Variants in SRBD1 observed in about 807,000 individuals in gnomAD.
SRBD1 encodes S1 RNA binding domain 1.
Under a neutral mutation model 115.3 loss-of-function variants are expected in SRBD1, and 88 were observed. The ratio of observed to expected loss-of-function variants is 0.76; its 90% confidence interval spans 0.64 to 0.91. The LOEUF (loss-of-function observed/expected upper bound fraction) is 0.91, where lower values mean the gene tolerates loss of function less well. Ranked by LOEUF, SRBD1 falls within the 40% of genes least tolerant of loss-of-function variation. The pLI is 0.00. For synonymous variants in SRBD1, 509 were observed against 407.7 expected (o/e 1.25, Z -2.99); for missense variants, 1,385 against 1,177.4 (o/e 1.18, Z -2.58).
intron 14 of SRBD1, among the ~76,000 whole-genome samples, chr2:45,532,328 A>T (rs1671638227): frequency 6.6e-6 from 1 of 151,798 alleles, no homozygotes; most frequent in Non-Finnish European, 1.5e-5. Context: ...CAACCAATTT[A>T]CTTTAAAAGG....
rs147005902 is a variant in SRBD1 at position 45,553,637 on chromosome 2, G to C, written c.1503C>G (p.Leu501=). 6.3e-7 allele frequency: 1 copy of C among 1,593,204 alleles called. No individual in the cohort carries two copies. The highest frequency in any genetic ancestry group is 8.5e-7 in the Non-Finnish European group (1 of 1,171,064). Residue 501 remains leucine (L), a synonymous_variant, in exon 11 of 21, where the codon CTC becomes CTG. Coordinates refer to ENST00000263736, the MANE Select transcript of SRBD1 (RefSeq NM_018079.5). ...AAGATATATACCTGAATTCTCTACAGAGAAGAGGATAAATAAGGCGTTTAA... is the reference window on the plus strand; with the variant it reads ...AAGATATATACCTGAATTCTCTACACAGAAGAGGATAAATAAGGCGTTTAA... ...DSFKRLIYPL[L]CREFRAKLTS... is the part of the protein sequence containing the mutation.
intron 9 of SRBD1, among the ~76,000 whole-genome samples, chr2:45,569,718 TA>T (rs1672951742): frequency 6.6e-6 from 1 of 152,052 alleles, no homozygotes. Flanking sequence ...AGAAAATAAA[TA>T]AAACACAACA....
intron 10 of SRBD1, 28 bp from the exon 11 acceptor site, chr2:45,553,758 A>G (rs746638143): frequency 9.0e-6 from 13 of 1,443,102 alleles, no homozygotes; most frequent in Non-Finnish European, 1.2e-5. Flanking sequence ...CCACACTAAA[A>G]CTGATGCAAC....
At chr2:45,605,096 T>G (rs1003360035) in intron 2 of SRBD1, among the ~76,000 whole-genome samples, 2 of 152,224 alleles carry the variant, frequency 1.3e-5, no homozygotes, top group African/African-American at 4.8e-5. Context: ...TATATAAAAC[T>G]CTATGCTCTC....
intron 14 of SRBD1, among the ~76,000 whole-genome samples, chr2:45,490,829 T>C (rs1325131466): frequency 6.6e-6 from 1 of 152,168 alleles, no homozygotes; most frequent in Non-Finnish European, 1.5e-5. Flanking sequence ...ACAAAACAGA[T>C]GTGACACATT....
chr2:45,437,682 C>T (rs1162178413), intron 16 of SRBD1, among the ~76,000 whole-genome samples: 7 of 152,142 alleles, frequency 4.6e-5, no homozygotes, highest in South Asian at 4.1e-4. Context: ...GAACCAAGAT[C>T]GTGCCACTGC....
chr2:45,513,216 G>C (rs1036075669), intron 14 of SRBD1, among the ~76,000 whole-genome samples: 1 of 152,128 alleles, frequency 6.6e-6, no homozygotes, highest in Non-Finnish European at 1.5e-5. Context: ...GAGCTGGACA[G>C]ATCTTTCCCC....
At chr2:45,446,164 T>C (rs138850215) in intron 16 of SRBD1, among the ~76,000 whole-genome samples, 151 of 152,282 alleles carry the variant, frequency 9.9e-4, no homozygotes, top group South Asian at 3.7e-3. Flanking sequence ...TAAGAACGAA[T>C]TGACATGCCA....
intron 19 of SRBD1, among the ~76,000 whole-genome samples, chr2:45,393,609 T>C (rs1667066121): frequency 6.6e-6 from 1 of 152,206 alleles, no homozygotes; most frequent in Admixed American, 6.5e-5. Flanking sequence ...CTCGATCTCC[T>C]GACCTCGTGA....
In SRBD1 at chr2:45,493,161, T is replaced by C. The variant is rs528220227; in HGVS notation, c.1875-4830A>G. Reference sequence around the variant, plus strand: ...CTCAAAGTTTTAAAAATAATTTATCTAAAAAACATTCTTCCAACTTGTCAG... The same window carrying C: ...CTCAAAGTTTTAAAAATAATTTATCCAAAAAACATTCTTCCAACTTGTCAG... On this transcript the variant is annotated intron_variant, in intron 14 of 20. Coordinates refer to ENST00000263736, the MANE Select transcript of SRBD1 (RefSeq NM_018079.5). 2.0e-5 allele frequency among the ~76,000 whole-genome samples: 3 copies of C among 152,338 alleles called. No individual in the cohort carries two copies. In the South Asian group the frequency reaches 6.2e-4, roughly 32 times the overall value.
At chr2:45,399,180 G>T (rs1023737625) in intron 19 of SRBD1, among the ~76,000 whole-genome samples, 3 of 152,104 alleles carry the variant, frequency 2.0e-5, no homozygotes, top group Admixed American at 2.0e-4. Flanking sequence ...AAATGATAAA[G>T]ATTTGCTAAA....
At chr2:45,541,348 C>T (rs1026269317) in intron 14 of SRBD1, among the ~76,000 whole-genome samples, 5 of 152,226 alleles carry the variant, frequency 3.3e-5, no homozygotes, top group East Asian at 1.9e-4. Flanking sequence ...CTGGGCTCCC[C>T]AAAGGGCTGC....
chr2:45,601,327 T>A (rs954758269), intron 3 of SRBD1, among the ~76,000 whole-genome samples: 1 of 152,212 alleles, frequency 6.6e-6, no homozygotes, highest in Admixed American at 6.5e-5. Context: ...ATGCTGGCCA[T>A]AAGAATTTCA....
rs796486652 is a variant in SRBD1, at chr2:45,549,297, GAGT to G, written c.1676-1688_1676-1686del. Among the ~76,000 whole-genome samples, 424 of 55,686 alleles carry G rather than the reference GAGT, an allele frequency of 7.6e-3. 6 individuals are homozygous for G. Among genetic ancestry groups the G allele is most frequent in the African/African-American group, 0.02 (390 of 19,356 alleles). The allele number at this position is 55,686 out of a possible 152,430, so 36.5% of individuals were successfully genotyped here. A position where few individuals can be genotyped will look rare whatever the true frequency, so the allele number is the denominator to read the frequency against. On this transcript the variant is annotated intron_variant, in intron 12 of 20. Transcript: ENST00000263736. The stretch of plus-strand genomic sequence containing the variant: ...TATAAACTATCTCTCAATCCACACA[GAGT>G]TTTTTTTTTTAATGATTTGGAAAAA...
chr2:45,477,098 C>G, intron 15 of SRBD1, 23 bp from the exon 16 acceptor site: 1 of 1,597,130 alleles, frequency 6.3e-7, no homozygotes, highest in South Asian at 1.1e-5. Flanking sequence ...AATCAGAAAA[C>G]AAGTATGACT....
intron 15 of SRBD1, among the ~76,000 whole-genome samples, chr2:45,479,868 C>G (rs1171758374): frequency 6.6e-6 from 1 of 152,134 alleles, no homozygotes; most frequent in Non-Finnish European, 1.5e-5. Context: ...CAAAAGACAG[C>G]CTGACTCATT....
chr2:45,567,645 A>G (rs1223384039), intron 9 of SRBD1, among the ~76,000 whole-genome samples: 1 of 152,266 alleles, frequency 6.6e-6, no homozygotes, highest in East Asian at 1.9e-4. Flanking sequence ...ATAAAACAAT[A>G]TATTCAATAA....
rs1174432687 is a variant in SRBD1, at chr2:45,521,296, C to CACACACACACACAT, written c.1874+25435_1874+25436insATGTGTGTGTGTGT. Among the ~76,000 whole-genome samples, 545 of 129,160 alleles carry CACACACACACACAT rather than the reference C, an allele frequency of 4.2e-3. 9 individuals are homozygous for CACACACACACACAT. The highest frequency in any genetic ancestry group is 0.019 in the African/African-American group (518 of 27,284). 84.7% of individuals were successfully genotyped at this position (129,160 alleles called of 152,430 possible). ...AACAACAAAAAGGAAAACACACACA[C>CACACACACACACAT]ACACACACACACACACACACACAAA... On this transcript the variant is annotated intron_variant, in intron 14 of 20. Transcript: ENST00000263736.
At chr2:45,546,682 T>G in intron 14 of SRBD1, 50 bp downstream of exon 14, 2 of 1,580,688 alleles carry the variant, frequency 1.3e-6, no homozygotes, top group Non-Finnish European at 1.7e-6. Flanking sequence ...AAAAGCAACT[T>G]TAAAGTTCCC....
Sources: gnomAD v4.1 joint callset for allele counts (sites outside exome capture counted in the v4.1 genomes callset) on GRCh38, gnomAD v4.1.1 for gene constraint, MANE v1.5 for transcripts, NCBI Gene and HGNC (gene_info 2026-07-23, HGNC 2026-07-21) for gene names.